Variants in COG5 observed in about 807,000 individuals in gnomAD.
COG5 encodes the protein conserved oligomeric Golgi complex subunit 5.
COG5 carries 86 observed loss-of-function variants against 110.4 expected under a neutral mutation model. The ratio of observed to expected loss-of-function variants is 0.78; its 90% CI spans 0.65 to 0.93. The LOEUF is 0.93. COG5 is among the 40% of genes least tolerant of loss of function. The probability of loss-of-function intolerance (pLI) is 0.00; values close to 1 mark genes in which losing one functional copy is unlikely to be tolerated. For missense variants in COG5, 1,077 were observed against 987.0 expected, an observed-to-expected ratio of 1.09 and a Z score of -1.22; for synonymous variants, 360 against 334.6, an observed-to-expected ratio of 1.08 and a Z score of -0.83.
At chr7:107,499,612 G>C (rs1798509468) in intron 6 of COG5, among the ~76,000 whole-genome samples, 1 of 151,936 alleles carries the variant, frequency 6.6e-6, no homozygotes, top group Non-Finnish European at 1.5e-5. Context: ...TCACCATGTT[G>C]GCCCAGCTGG....
intron 6 of COG5, among the ~76,000 whole-genome samples, chr7:107,479,901 G>A (rs965553876): frequency 6.6e-6 from 1 of 151,986 alleles, no homozygotes; most frequent in African/African-American, 2.4e-5. Context: ...AAAATACACA[G>A]TGAGAAAATA....
At chr7:107,359,944 T>TC (rs1178449541) in intron 10 of COG5, among the ~76,000 whole-genome samples, 1 of 152,054 alleles carries the variant, frequency 6.6e-6, no homozygotes, top group Non-Finnish European at 1.5e-5. Context: ...CCACTCTGGG[T>TC]CTCCTCTCCA....
chr7:107,413,860 C>T (rs574849698), intron 6 of COG5, among the ~76,000 whole-genome samples: 1 of 152,184 alleles, frequency 6.6e-6, no homozygotes, highest in African/African-American at 2.4e-5. Context: ...TCTAAACAAT[C>T]TTGCTAGAAA....
intron 6 of COG5, among the ~76,000 whole-genome samples, chr7:107,483,127 CT>C (rs1797446578): frequency 6.6e-6 from 1 of 152,078 alleles, no homozygotes; most frequent in Non-Finnish European, 1.5e-5. Flanking sequence ...GCAACCTAAT[CT>C]TTGATAATTT....
At chr7:107,217,318 A>G (rs1412366303) in intron 19 of COG5, among the ~76,000 whole-genome samples, 1 of 152,152 alleles carries the variant, frequency 6.6e-6, no homozygotes, top group Non-Finnish European at 1.5e-5. Flanking sequence ...AAAAGGTTTA[A>G]AGAAGAGCTA....
At chr7:107,282,110 T>C (rs1336677866) in intron 13 of COG5, among the ~76,000 whole-genome samples, 4 of 152,060 alleles carry the variant, frequency 2.6e-5, no homozygotes, top group African/African-American at 4.8e-5. Context: ...AAAATTATTG[T>C]CCCTAAAGTA....
At chr7:107,284,351 G>A (rs1362351574) in intron 12 of COG5, among the ~76,000 whole-genome samples, 2 of 152,118 alleles carry the variant, frequency 1.3e-5, no homozygotes, top group Non-Finnish European at 1.5e-5. Flanking sequence ...ATGCTAATGG[G>A]GGCTATGCCT....
chr7:107,207,224 C>T (rs887935135), intron 21 of COG5, among the ~76,000 whole-genome samples: 1 of 152,206 alleles, frequency 6.6e-6, no homozygotes, highest in Non-Finnish European at 1.5e-5. Context: ...CCCTCTTCGT[C>T]CTATTTCAGA....
Position 107,371,906 on chromosome 7 carries a change from T to C in COG5, c.835+689A>G, listed in dbSNP as rs1252636336. 2.0e-5 allele frequency among the ~76,000 whole-genome samples: 3 copies of C among 152,234 alleles called. No homozygotes were observed. In the East Asian group the frequency reaches 5.8e-4, roughly 29 times the overall value. On this transcript the variant is annotated intron_variant, in intron 8 of 21. Coordinates refer to ENST00000297135, the MANE Select transcript of COG5 (RefSeq NM_006348.5). The stretch of plus-strand genomic sequence containing the variant: ...CTTACCAACAGGAAGGAAGAATGAA[T>C]ATAAGGGGAGAAACAGAGAGATGGA...
intron 6 of COG5, among the ~76,000 whole-genome samples, chr7:107,479,274 G>A (rs1209739464): frequency 1.3e-5 from 2 of 152,054 alleles, no homozygotes; most frequent in Non-Finnish European, 2.9e-5. Flanking sequence ...ATACAGTAGC[G>A]AGAAGTTATC....
At chr7:107,203,664 T>TA (rs1798529384) in intron 21 of COG5, 34 bp from the exon 22 acceptor site, 1 of 1,318,388 alleles carries the variant, frequency 7.6e-7, no homozygotes, top group Admixed American at 1.7e-5. Context: ...GTCAAAATAT[T>TA]AGATAAATCA....
chr7:107,451,633 C>A (rs558037893), intron 6 of COG5, among the ~76,000 whole-genome samples: 37 of 152,276 alleles, frequency 2.4e-4, no homozygotes, highest in African/African-American at 8.4e-4. Flanking sequence ...ACCGACACTT[C>A]TTCTTCCTCC....
At chr7:107,553,152 G>C (rs779781152) in intron 3 of COG5, among the ~76,000 whole-genome samples, 2 of 152,020 alleles carry the variant, frequency 1.3e-5, no homozygotes, top group Non-Finnish European at 2.9e-5. Flanking sequence ...CACACTACCT[G>C]GGTGACAGGA....
intron 6 of COG5, among the ~76,000 whole-genome samples, chr7:107,525,026 C>G (rs1024030462): frequency 3.3e-5 from 5 of 152,094 alleles, no homozygotes; most frequent in Admixed American, 3.3e-4. Flanking sequence ...CTCCTGGGTT[C>G]AAGTGATTCT....
At chr7:107,469,629 T>TCA (rs1024448644) in intron 6 of COG5, among the ~76,000 whole-genome samples, 6 of 152,108 alleles carry the variant, frequency 3.9e-5, no homozygotes, top group African/African-American at 1.4e-4. Context: ...TCACTGTGGC[T>TCA]CACAGTAAAG....
At chr7:107,251,297 C>G (rs915816887) in intron 16 of COG5, among the ~76,000 whole-genome samples, 1 of 152,152 alleles carries the variant, frequency 6.6e-6, no homozygotes, top group East Asian at 1.9e-4. Context: ...AAACATCCTT[C>G]AAAGATGAAA....
chr7:107,337,377 G>A (rs116410347), intron 10 of COG5, among the ~76,000 whole-genome samples: 2,167 of 152,268 alleles, frequency 0.014, 53 homozygotes, highest in African/African-American at 0.05. Flanking sequence ...GCGAAGATAT[G>A]AAATCAACCT....
At chr7:107,433,878 A>C (rs2395881) in intron 6 of COG5, among the ~76,000 whole-genome samples, 23,637 of 152,232 alleles carry the variant, frequency 0.16, 2,287 homozygotes, top group Non-Finnish European at 0.21. Flanking sequence ...TGAAAAGGCA[A>C]CCTACAGAAT....
chr7:107,351,205 G>A (rs1352753746), intron 10 of COG5, among the ~76,000 whole-genome samples: 1 of 152,082 alleles, frequency 6.6e-6, no homozygotes, highest in Non-Finnish European at 1.5e-5. Flanking sequence ...ACAAGCAATG[G>A]GGAAAGGATT....
Sources: allele counts gnomAD v4.1 joint callset (sites outside exome capture counted in the v4.1 genomes callset), GRCh38; gene constraint gnomAD v4.1.1; transcripts MANE v1.5; gene names NCBI Gene and HGNC (gene_info 2026-07-23, HGNC 2026-07-21).